Variants in ADAMTSL3 observed in about 807,000 individuals in gnomAD.
ADAMTSL3 encodes the protein ADAMTS-like protein 3.
In ADAMTSL3, 128 loss-of-function variants were observed where a neutral mutation model predicts 201.7. The observed-to-expected ratio is 0.63, with a 90% CI of 0.55 to 0.73. The LOEUF (loss-of-function observed/expected upper bound fraction) is 0.73, where lower values mean the gene tolerates loss of function less well. Among genes scored for constraint, ADAMTSL3 ranks in the 30% least tolerant of loss-of-function variants. ADAMTSL3 has a pLI of 0.00. For synonymous variants in ADAMTSL3, 738 were observed against 748.4 expected (o/e 0.99, Z 0.23); for missense variants, 1,990 against 2,119.6 (o/e 0.94, Z 1.20).
chr15:83,754,411 G>T (rs529677981), intron 3 of ADAMTSL3, among the ~76,000 whole-genome samples: 1 of 152,074 alleles, frequency 6.6e-6, no homozygotes, highest in Non-Finnish European at 1.5e-5. Flanking sequence ...GGAGAGAGCT[G>T]AATTTGGGCC....
intron 17 of ADAMTSL3, among the ~76,000 whole-genome samples, chr15:83,935,500 T>A (rs2066445633): frequency 6.6e-6 from 1 of 151,656 alleles, no homozygotes; most frequent in Admixed American, 6.6e-5. Context: ...TCAGAATTAA[T>A]GAAAAAATAT....
chr15:83,774,534 G>A (rs959177857), intron 4 of ADAMTSL3, among the ~76,000 whole-genome samples: 1 of 152,206 alleles, frequency 6.6e-6, no homozygotes, highest in Admixed American at 6.5e-5. Context: ...TGAGAAGAAA[G>A]ACTCACCGGT....
At chr15:84,024,949 C>G (rs1434584055) in intron 26 of ADAMTSL3, among the ~76,000 whole-genome samples, 1 of 152,014 alleles carries the variant, frequency 6.6e-6, no homozygotes, top group African/African-American at 2.4e-5. Context: ...CTAAATTTGC[C>G]CCAGCTTTAC....
intron 4 of ADAMTSL3, among the ~76,000 whole-genome samples, chr15:83,775,231 G>A (rs117885373): frequency 0.021 from 3,194 of 152,270 alleles, 61 homozygotes; most frequent in Non-Finnish European, 0.03. Flanking sequence ...GAATGAGTGG[G>A]GAAGGGAGAA....
At chr15:83,842,619 A>C (rs751303403) in intron 7 of ADAMTSL3, among the ~76,000 whole-genome samples, 2 of 152,236 alleles carry the variant, frequency 1.3e-5, no homozygotes, top group Non-Finnish European at 2.9e-5. Context: ...TTGAAAATCA[A>C]CAATCAGTCC....
chr15:84,015,432 TTGGAATAGC>T (rs1248361846), intron 24 of ADAMTSL3, among the ~76,000 whole-genome samples: 1 of 152,122 alleles, frequency 6.6e-6, no homozygotes, highest in Non-Finnish European at 1.5e-5. Context: ...ATGCAGGGAG[TTGGAATAGC>T]TGTCATGCAC....
At chr15:83,844,142 CTTTTTGTCCA>C (rs2064444576) in intron 7 of ADAMTSL3, among the ~76,000 whole-genome samples, 1 of 152,176 alleles carries the variant, frequency 6.6e-6, no homozygotes, top group African/African-American at 2.4e-5. Flanking sequence ...CTATTCTAAG[CTTTTTGTCCA>C]TTTTTACATG....
chr15:84,000,231 CT>C (rs1355316851), intron 23 of ADAMTSL3, among the ~76,000 whole-genome samples: 3 of 152,162 alleles, frequency 2.0e-5, no homozygotes, highest in Non-Finnish European at 4.4e-5. Context: ...TTTATTTCCC[CT>C]GATCTGTGGT....
At chr15:83,691,214 A>G (rs2061603753) in intron 2 of ADAMTSL3, among the ~76,000 whole-genome samples, 1 of 152,144 alleles carries the variant, frequency 6.6e-6, no homozygotes, top group Non-Finnish European at 1.5e-5. Context: ...CTTTTTTTCT[A>G]AATTCACATC....
intron 17 of ADAMTSL3, among the ~76,000 whole-genome samples, chr15:83,927,541 G>T (rs1367458460): frequency 6.6e-6 from 1 of 152,042 alleles, no homozygotes; most frequent in African/African-American, 2.4e-5. Context: ...GTCTCTTTTT[G>T]GTGAAAAGTA....
chr15:83,758,519 A>G (rs1488690402), intron 3 of ADAMTSL3, among the ~76,000 whole-genome samples: 1 of 152,224 alleles, frequency 6.6e-6, no homozygotes, highest in Non-Finnish European at 1.5e-5. Flanking sequence ...CAGCCAAACC[A>G]TATCACTCAC....
chr15:83,860,711 T>G (rs1019312799), intron 8 of ADAMTSL3, among the ~76,000 whole-genome samples: 4 of 152,106 alleles, frequency 2.6e-5, no homozygotes, highest in African/African-American at 9.7e-5. Context: ...CGAATAGGAA[T>G]AGCTCCAGTC....
intron 5 of ADAMTSL3, among the ~76,000 whole-genome samples, chr15:83,818,020 A>G (rs1305564124): frequency 1.3e-5 from 2 of 152,196 alleles, no homozygotes; most frequent in African/African-American, 4.8e-5. Flanking sequence ...TCAAAAAGAA[A>G]ACGCAAACGA....
chr15:83,880,789 G>A (rs929538089), intron 9 of ADAMTSL3, among the ~76,000 whole-genome samples: 7 of 152,180 alleles, frequency 4.6e-5, no homozygotes, highest in East Asian at 1.9e-4. Context: ...CCCCTCCTGC[G>A]GGGAAACAAG....
At chr15:84,007,550 C>A (rs1308552478) in intron 23 of ADAMTSL3, among the ~76,000 whole-genome samples, 1 of 147,190 alleles carries the variant, frequency 6.8e-6, no homozygotes, top group African/African-American at 2.4e-5. Context: ...CAGTGAGACC[C>A]CATCACTAAA....
chr15:84,034,990 C>T (rs2068478374), intron 28 of ADAMTSL3, among the ~76,000 whole-genome samples: 1 of 152,164 alleles, frequency 6.6e-6, no homozygotes, highest in Admixed American at 6.5e-5. Flanking sequence ...TGTCCTGAGT[C>T]CTGTCCCTGG....
At chr15:83,924,716 G>T (rs2066216218) in intron 17 of ADAMTSL3, among the ~76,000 whole-genome samples, 1 of 152,208 alleles carries the variant, frequency 6.6e-6, no homozygotes, top group Admixed American at 6.5e-5. Flanking sequence ...GCTACAGAGG[G>T]TGATAACTGA....
chr15:83,863,455 A>G (rs1417545409), intron 8 of ADAMTSL3, among the ~76,000 whole-genome samples: 1 of 152,268 alleles, frequency 6.6e-6, no homozygotes, highest in Non-Finnish European at 1.5e-5. Flanking sequence ...CTCAGGATTA[A>G]GAAACTCACT....
chr15:83,741,085 G>C (rs1034952772), intron 3 of ADAMTSL3, among the ~76,000 whole-genome samples: 3 of 151,952 alleles, frequency 2.0e-5, no homozygotes, highest in African/African-American at 4.8e-5. Context: ...CTTTCCAGAA[G>C]ACTGGTATAA....
Sources: allele counts gnomAD v4.1 joint callset (sites outside exome capture counted in the v4.1 genomes callset), GRCh38; gene constraint gnomAD v4.1.1; transcripts MANE v1.5; gene names NCBI Gene and HGNC (gene_info 2026-07-23, HGNC 2026-07-21).